Variants in ACAD11 observed in about 807,000 individuals in gnomAD.
ACAD11 encodes the protein acyl-Coenzyme A dehydrogenase family, member 11.
In ACAD11, 83 loss-of-function variants were observed where a neutral mutation model predicts 102.2. The ratio of observed to expected loss-of-function variants is 0.81; its 90% CI spans 0.68 to 0.97. The LOEUF is 0.97. Ranked by LOEUF, ACAD11 falls within the 50% of genes least tolerant of loss-of-function variation. The pLI is 0.00. For synonymous variants in ACAD11, 324 were observed against 319.8 expected, an observed-to-expected ratio of 1.01 and a Z score of -0.14; for missense variants, 901 against 951.7, an observed-to-expected ratio of 0.95 and a Z score of 0.70.
At chr3:132,641,239 C>A (rs1320359703) in intron 4 of ACAD11, among the ~76,000 whole-genome samples, 20 of 152,110 alleles carry the variant, frequency 1.3e-4, no homozygotes, top group Non-Finnish European at 7.4e-5. Context: ...TCTGCTAGTC[C>A]AATTGAGAAA....
At position 132,603,360 on chromosome 3, in the gene ACAD11, G is replaced by A. The variant is rs761709968; in HGVS notation, c.1523-33C>T. 4 of 1,570,424 alleles carry A rather than the reference G, an allele frequency of 2.5e-6. No homozygotes were observed. In the African/African-American group the frequency reaches 5.4e-5, roughly 21 times the overall value. On this transcript the variant is annotated intron_variant, in intron 12 of 19. Coordinates refer to ENST00000264990, the MANE Select transcript of ACAD11 (RefSeq NM_032169.5). ...TAAACAAAAGCTGAATTTACAGGCA[G>A]GCAGATATCATCAGTAGACTTAGAT...
intron 13 of ACAD11, among the ~76,000 whole-genome samples, chr3:132,592,302 A>G (rs1177408267): frequency 6.6e-6 from 1 of 152,178 alleles, no homozygotes; most frequent in East Asian, 1.9e-4. Context: ...AAGATACCCA[A>G]TGTCATAAAT....
chr3:132,610,557 C>T (rs1233637557), intron 11 of ACAD11, among the ~76,000 whole-genome samples: 7 of 152,124 alleles, frequency 4.6e-5, no homozygotes, highest in African/African-American at 1.7e-4. Flanking sequence ...ACCGATCCCA[C>T]AGAAATACAA....
intron 17 of ACAD11, among the ~76,000 whole-genome samples, chr3:132,571,679 G>T (rs115376790): frequency 0.015 from 2,260 of 152,134 alleles, 67 homozygotes; most frequent in African/African-American, 0.052. Context: ...CTGGAAAACA[G>T]AATCCAGCAA....
intron 13 of ACAD11, among the ~76,000 whole-genome samples, chr3:132,594,732 T>C (rs1938226293): frequency 6.6e-6 from 1 of 152,072 alleles, no homozygotes; most frequent in African/African-American, 2.4e-5. Flanking sequence ...TAAAATAGGG[T>C]GGGAAGAGTG....
intron 17 of ACAD11, 142 bp from the exon 18 acceptor site, chr3:132,561,359 G>T: frequency 1.4e-6 from 1 of 697,804 alleles, no homozygotes; most frequent in East Asian, 2.8e-5. Context: ...ATTTTTAAAT[G>T]GAAGAGTTAA....
At chr3:132,651,100 A>C (rs1027675545) in intron 1 of ACAD11, among the ~76,000 whole-genome samples, 2 of 152,174 alleles carry the variant, frequency 1.3e-5, no homozygotes, top group Admixed American at 1.3e-4. Context: ...TAAGTGGTAG[A>C]TGTTTTTCCC....
intron 14 of ACAD11, 158 bp from the exon 15 acceptor site, chr3:132,579,039 T>G: frequency 6.6e-7 from 1 of 1,514,732 alleles, no homozygotes; most frequent in Non-Finnish European, 8.8e-7. Context: ...ACCAACATAG[T>G]CTGATGCAGG....
At chr3:132,626,116 G>T (rs1250458937) in intron 9 of ACAD11, among the ~76,000 whole-genome samples, 1 of 152,116 alleles carries the variant, frequency 6.6e-6, no homozygotes, top group African/African-American at 2.4e-5. Context: ...CATAAGCCCT[G>T]TATGTCTTAT....
At chr3:132,588,989 G>A (rs1937965485) in intron 13 of ACAD11, among the ~76,000 whole-genome samples, 2 of 152,130 alleles carry the variant, frequency 1.3e-5, no homozygotes, top group African/African-American at 4.8e-5. Context: ...TGGAGATGAA[G>A]CCTTTGGTCC....
intron 2 of ACAD11, among the ~76,000 whole-genome samples, chr3:132,644,281 T>C (rs1940635291): frequency 6.6e-6 from 1 of 152,146 alleles, no homozygotes; most frequent in Admixed American, 6.6e-5. Context: ...ATACCTGTTT[T>C]CTCAAGACAG....
intron 13 of ACAD11, among the ~76,000 whole-genome samples, chr3:132,581,248 T>C (rs1444152518): frequency 6.6e-6 from 1 of 152,042 alleles, no homozygotes; most frequent in Non-Finnish European, 1.5e-5. Flanking sequence ...TAGAATTTTA[T>C]ACTTGTCCAA....
intron 1 of ACAD11, among the ~76,000 whole-genome samples, chr3:132,650,927 T>C (rs1287117714): frequency 6.6e-6 from 1 of 152,172 alleles, no homozygotes; most frequent in African/African-American, 2.4e-5. Context: ...CCACATCTTC[T>C]CCACCCCCTC....
intron 5 of ACAD11, among the ~76,000 whole-genome samples, chr3:132,633,689 G>T (rs1288416392): frequency 6.6e-6 from 1 of 152,104 alleles, no homozygotes; most frequent in Non-Finnish European, 1.5e-5. Flanking sequence ...AAACAGCATG[G>T]TACTGGTACT....
rs1472277933 is a variant in ACAD11 at position 132,630,551 on chromosome 3, T to A, written c.849A>T (p.Pro283=). The A allele has an allele frequency of 1.2e-6, 2 of 1,606,836 alleles. No individual in the cohort carries two copies. The highest frequency in any genetic ancestry group is 2.7e-5 in the African/African-American group (2 of 74,528). ...QGSYSENSGI[P]SMEELISIYC... is the part of the protein sequence containing the mutation. ...ATATTGAAATCAGTTCTTCCATTGA[T>A]GGTATCCCTATAAAAACAGCATGTA... Residue 283 remains proline, a synonymous_variant, in exon 7 of 20, where the codon CCA becomes CCT. Transcript: ENST00000264990.
chr3:132,644,713 C>T (rs1576619154), intron 2 of ACAD11, 84 bp downstream of exon 2: 3 of 603,720 alleles, frequency 5.0e-6, no homozygotes, highest in South Asian at 3.6e-5. Flanking sequence ...TCATAAGATG[C>T]CTTTTAAAAG....
At chr3:132,576,877 C>G in intron 16 of ACAD11, 67 bp downstream of exon 16, 1 of 1,155,940 alleles carries the variant, frequency 8.7e-7, no homozygotes, top group Non-Finnish European at 1.3e-6. Flanking sequence ...AAAGACTTAT[C>G]TTTTCCAGAT....
chr3:132,637,243 A>G (rs1322085330), intron 5 of ACAD11, among the ~76,000 whole-genome samples: 1 of 152,188 alleles, frequency 6.6e-6, no homozygotes, highest in East Asian at 1.9e-4. Context: ...TAGAATAATA[A>G]GTAACCTAAG....
chr3:132,596,072 C>A (rs1001060487), intron 13 of ACAD11, among the ~76,000 whole-genome samples: 1 of 152,144 alleles, frequency 6.6e-6, no homozygotes, highest in Non-Finnish European at 1.5e-5. Flanking sequence ...AAATGTGGTA[C>A]ATATACAGCA....
Sources: gnomAD v4.1 joint callset for allele counts (sites outside exome capture counted in the v4.1 genomes callset) on GRCh38, gnomAD v4.1.1 for gene constraint, MANE v1.5 for transcripts, NCBI Gene and HGNC (gene_info 2026-07-23, HGNC 2026-07-21) for gene names.